IQCH: variants seen among roughly 807,000 people sequenced by gnomAD.
IQCH encodes the protein IQ motif containing H, also known as IQ domain-containing protein H.
IQCH carries 98 observed loss-of-function variants against 117.0 expected under a neutral mutation model. The ratio of observed to expected loss-of-function variants is 0.84; its 90% CI spans 0.71 to 0.99. The LOEUF (loss-of-function observed/expected upper bound fraction) is 0.99, where lower values mean the gene tolerates loss of function less well. Among genes scored for constraint, IQCH ranks in the 50% least tolerant of loss-of-function variants. IQCH has a pLI of 0.00. For synonymous variants in IQCH, 412 were observed against 448.2 expected, an observed-to-expected ratio of 0.92 and a Z score of 1.02; for missense variants, 1,102 against 1,243.8, an observed-to-expected ratio of 0.89 and a Z score of 1.72.
At chr15:67,255,194 T>G in intron 1 of IQCH, 1 of 565,602 alleles carries the variant, frequency 1.8e-6, no homozygotes, top group Non-Finnish European at 3.2e-6. Context: ...TCTAAAACCG[T>G]TCACCCGGAA....
chr15:67,295,549 T>C (rs1350042762), intron 4 of IQCH, among the ~76,000 whole-genome samples: 1 of 152,128 alleles, frequency 6.6e-6, no homozygotes. Context: ...GGTCCACATA[T>C]TGGGATAGAA....
rs1464125647 is a variant in IQCH at position 67,403,077 on chromosome 15, G to A, written c.2097+2772G>A. Reference sequence around the variant, plus strand: ...AGCCTGGCCAACATAGTGAAACCTCGTCTCTACTAAAAATACAAAAAAATT... The same window carrying A: ...AGCCTGGCCAACATAGTGAAACCTCATCTCTACTAAAAATACAAAAAAATT... On this transcript the variant is annotated intron_variant, in intron 14 of 20. Transcript: ENST00000335894. This position sits in a 1 kb window ranked among gnomAD's most constrained non-coding sequence, Gnocchi z 4.8. 3.3e-5 allele frequency among the ~76,000 whole-genome samples: 5 copies of A among 152,130 alleles called. No homozygotes were observed. The highest frequency in any genetic ancestry group is 2.1e-4 in the South Asian group (1 of 4,828).
rs1017476990 is a variant in IQCH at position 67,458,939 on chromosome 15, G to A, written c.2506-6188G>A. ...TGCATGTCTCAGAGTTGGCTTATTT[G>A]GAGTGCCTGTCTTTTTAAAAATTTT... On this transcript the variant is annotated intron_variant, in intron 16 of 20. Coordinates refer to ENST00000335894, the MANE Select transcript of IQCH (RefSeq NM_001031715.3). The surrounding 1 kb of genome is among the most constrained non-coding windows in gnomAD (Gnocchi z 4.1). 2.6e-5 allele frequency among the ~76,000 whole-genome samples: 4 copies of A among 152,176 alleles called. 1 individual carries two copies. The highest frequency in any genetic ancestry group is 9.7e-5 in the African/African-American group (4 of 41,442).
chr15:67,357,605 T>G (rs755325327), intron 7 of IQCH, among the ~76,000 whole-genome samples, 184 bp downstream of exon 7: 19 of 152,142 alleles, frequency 1.2e-4, no homozygotes, highest in Non-Finnish European at 1.0e-4. Flanking sequence ...TAGCATAATG[T>G]TATTGGTGGG....
At chr15:67,421,087 T>C (rs1047944697) in intron 15 of IQCH, 3 of 590,322 alleles carry the variant, frequency 5.1e-6, no homozygotes, top group Non-Finnish European at 9.0e-6. Flanking sequence ...GGCTGAATAC[T>C]ATAGATAGAT....
intron 1 of IQCH, among the ~76,000 whole-genome samples, chr15:67,258,269 C>T (rs1443444281): frequency 3.3e-5 from 5 of 151,226 alleles, no homozygotes; most frequent in African/African-American, 1.2e-4. Flanking sequence ...GTGGCTCATG[C>T]CTGTAATCCC....
chr15:67,464,296 G>A (rs1279197764), intron 16 of IQCH, among the ~76,000 whole-genome samples: 1 of 152,226 alleles, frequency 6.6e-6, no homozygotes, highest in Non-Finnish European at 1.5e-5. Flanking sequence ...ATCTGCCACA[G>A]GAGAGGGAAG....
rs73431736 is a variant in IQCH at position 67,501,082 on chromosome 15, A to G, written c.*336A>G. The G allele has an allele frequency of 2.9e-3, 463 of 160,964 alleles. 2 individuals carry two copies. Among genetic ancestry groups the G allele is most frequent in the African/African-American group, 0.011 (456 of 41,966 alleles). The allele number at this position is 160,964 out of a possible 1,614,324, so 10.0% of individuals were successfully genotyped here. A position where few individuals can be genotyped will look rare whatever the true frequency, so the allele number is the denominator to read the frequency against. ...TTACTTCCTCATAGGCCTCAGGATT[A>G]TGTAGCTTTTATTTTTTATGTTTTA... On this transcript the variant is annotated 3_prime_UTR_variant, in exon 21 of 21. Transcript: ENST00000335894. This position sits in a 1 kb window ranked among gnomAD's most constrained non-coding sequence, Gnocchi z 5.2.
chr15:67,375,364 T>C (rs532452018), intron 10 of IQCH, among the ~76,000 whole-genome samples: 1 of 152,220 alleles, frequency 6.6e-6, no homozygotes, highest in African/African-American at 2.4e-5. Context: ...AGTTTGAGAT[T>C]ACAGTGAGCT....
chr15:67,322,785 G>A (rs561599801), intron 4 of IQCH, among the ~76,000 whole-genome samples: 1 of 42,542 alleles, frequency 2.4e-5, no homozygotes, highest in Non-Finnish European at 4.2e-5. Context: ...CAGGGGATGT[G>A]GGGGGTGGTT....
intron 1 of IQCH, 106 bp from the exon 2 acceptor site, chr15:67,261,166 T>A: frequency 4.2e-6 from 3 of 721,894 alleles, no homozygotes; most frequent in Non-Finnish European, 6.5e-6. Context: ...AAATCAGCTT[T>A]GTGTCTCTAC....
chr15:67,501,303 G>C lies in IQCH; in HGVS notation c.*557G>C, dbSNP rs2083974640. ...TTGTTATACCAAGCCACTATTGTCT[G>C]CTATTGTTGCCATTTTTCAAAAAGT... On this transcript the variant is annotated 3_prime_UTR_variant, in exon 21 of 21. Transcript: ENST00000335894. This position sits in a 1 kb window ranked among gnomAD's most constrained non-coding sequence, Gnocchi z 5.2. 6.6e-6 allele frequency: 1 copy of C among 152,000 alleles called. No individual in the cohort carries two copies. The highest frequency in any genetic ancestry group is 1.5e-5 in the Non-Finnish European group (1 of 67,990). 9.4% of individuals were successfully genotyped at this position (152,000 alleles called of 1,614,324 possible).
intron 14 of IQCH, among the ~76,000 whole-genome samples, 186 bp downstream of exon 14, chr15:67,400,491 C>CCTT (rs1555481880): frequency 8.7e-6 from 1 of 115,600 alleles, no homozygotes; most frequent in Non-Finnish European, 1.7e-5. Flanking sequence ...TCTTTTTTTT[C>CCTT]TTTTTTTTTT....
intron 5 of IQCH, among the ~76,000 whole-genome samples, chr15:67,343,257 A>G (rs1231421174): frequency 6.6e-6 from 1 of 152,178 alleles, no homozygotes; most frequent in Admixed American, 6.5e-5. Flanking sequence ...CTTACTTTCT[A>G]TTATGTAAAA....
At position 67,490,440 on chromosome 15, in the gene IQCH, G is replaced by A. The variant is rs1006009456; in HGVS notation, c.2861+376G>A. 2.0e-5 allele frequency among the ~76,000 whole-genome samples: 3 copies of A among 152,036 alleles called. No homozygotes were observed. Among genetic ancestry groups the A allele is most frequent in the African/African-American group, 7.2e-5 (3 of 41,388 alleles). On this transcript the variant is annotated intron_variant, in intron 19 of 20. Coordinates refer to ENST00000335894, the MANE Select transcript of IQCH (RefSeq NM_001031715.3). The surrounding 1 kb of genome is among the most constrained non-coding windows in gnomAD (Gnocchi z 4.9). The stretch of plus-strand genomic sequence containing the variant: ...AGGATGGTCTCGATCTCTTGACCTC[G>A]TGATGCACCCACCTGGGCCTCTCAA...
intron 15 of IQCH, among the ~76,000 whole-genome samples, chr15:67,418,890 T>TC (rs1326650031): frequency 6.6e-6 from 1 of 152,094 alleles, no homozygotes; most frequent in East Asian, 1.9e-4. Context: ...ATAAGGTTTT[T>TC]TTTTTTTTTA....
rs865814006 is a variant in IQCH at position 67,353,370 on chromosome 15, T to A, written c.638-3975T>A. On this transcript the variant is annotated intron_variant, in intron 6 of 20. Coordinates refer to ENST00000335894, the MANE Select transcript of IQCH (RefSeq NM_001031715.3). ...TTATTTTATATTTATTTATTTTTTT[T>A]TTTTTTTGAGACAGAGTCTCACTCT... 4.4e-4 allele frequency among the ~76,000 whole-genome samples: 46 copies of A among 105,084 alleles called. 1 individual carries two copies. The highest frequency in any genetic ancestry group is 1.5e-3 in the African/African-American group (43 of 28,780). The allele number at this position is 105,084 out of a possible 152,430, so 68.9% of individuals were successfully genotyped here. A position where few individuals can be genotyped will look rare whatever the true frequency, so the allele number is the denominator to read the frequency against.
At chr15:67,448,243 CTTTAAG>C (rs1187823143) in intron 16 of IQCH, among the ~76,000 whole-genome samples, 5 of 151,822 alleles carry the variant, frequency 3.3e-5, no homozygotes, top group Non-Finnish European at 5.9e-5. Flanking sequence ...TATTATTATA[CTTTAAG>C]TTTTAGGGTA....
At chr15:67,429,216 G>A (rs1806125619) in intron 16 of IQCH, among the ~76,000 whole-genome samples, 1 of 152,196 alleles carries the variant, frequency 6.6e-6, no homozygotes, top group Non-Finnish European at 1.5e-5. Context: ...TTCTGCAAAA[G>A]TAAACATGTA....
Sources: gnomAD v4.1 joint callset for allele counts (sites outside exome capture counted in the v4.1 genomes callset) on GRCh38, gnomAD v4.1.1 for gene constraint, Gnocchi (gnomAD v3.1) non-coding constraint, MANE v1.5 for transcripts, NCBI Gene and HGNC (gene_info 2026-07-23, HGNC 2026-07-21) for gene names.